The following LSAMP variants were observed in gnomAD, a reference collection of about 807,000 sequenced individuals.
LSAMP encodes limbic system-associated membrane protein.
Under a neutral mutation model 38.6 loss-of-function variants are expected in LSAMP, and 7 were observed. That is an observed-to-expected ratio of 0.18 (90% CI 0.10 to 0.34). The LOEUF (loss-of-function observed/expected upper bound fraction) is 0.34. LSAMP is among the 10% of genes least tolerant of loss of function. The probability of loss-of-function intolerance (pLI) is 1.00; values close to 1 mark genes in which losing one functional copy is unlikely to be tolerated. For synonymous variants in LSAMP, 154 were observed against 166.8 expected, an observed-to-expected ratio of 0.92 and a Z score of 0.59; for missense variants, 313 against 420.0, an observed-to-expected ratio of 0.75 and a Z score of 2.23.
chr3:116,023,789 G>A (rs1457960291), intron 2 of LSAMP, among the ~76,000 whole-genome samples: 1 of 151,994 alleles, frequency 6.6e-6, no homozygotes, highest in Non-Finnish European at 1.5e-5. Flanking sequence ...GGTTTAATAG[G>A]TCATTCATGA....
intron 1 of LSAMP, among the ~76,000 whole-genome samples, chr3:116,189,410 G>C (rs1710700889): frequency 6.6e-6 from 1 of 152,174 alleles, no homozygotes; most frequent in Non-Finnish European, 1.5e-5. Flanking sequence ...CAAGTGCTAC[G>C]AATCAAGGCT....
At chr3:116,132,047 C>T (rs1467318599) in intron 1 of LSAMP, among the ~76,000 whole-genome samples, 17 of 151,830 alleles carry the variant, frequency 1.1e-4, no homozygotes, top group Non-Finnish European at 5.9e-5. Context: ...AGGCTGGTCT[C>T]GAACTCCTGA....
chr3:116,045,813 A>G (rs1240560297), intron 2 of LSAMP, among the ~76,000 whole-genome samples: 1 of 152,224 alleles, frequency 6.6e-6, no homozygotes, highest in East Asian at 1.9e-4. Flanking sequence ...AGATATTATT[A>G]TGCCTACTTT....
intron 3 of LSAMP, among the ~76,000 whole-genome samples, chr3:115,862,484 A>G (rs932426375): frequency 1.3e-5 from 2 of 152,226 alleles, no homozygotes; most frequent in African/African-American, 4.8e-5. Context: ...TCACCCTAAA[A>G]TCCCAGATCT....
intron 3 of LSAMP, among the ~76,000 whole-genome samples, chr3:115,865,362 T>C (rs373265184): frequency 1.3e-5 from 2 of 152,324 alleles, no homozygotes; most frequent in South Asian, 4.1e-4. Context: ...TTGTCTAACA[T>C]ATTACTCAAT....
intron 1 of LSAMP, among the ~76,000 whole-genome samples, chr3:116,317,123 C>T (rs1348968945): frequency 2.0e-5 from 3 of 152,056 alleles, no homozygotes; most frequent in Non-Finnish European, 4.4e-5. Context: ...GTTGGCCATC[C>T]CCAGCCACCA....
At chr3:116,113,592 A>AT (rs1252470560) in intron 1 of LSAMP, among the ~76,000 whole-genome samples, 2 of 150,086 alleles carry the variant, frequency 1.3e-5, no homozygotes, top group African/African-American at 2.4e-5. Context: ...CGCCCGGCTA[A>AT]TTTTTTGTAT....
chr3:116,003,758 T>C (rs569502119), intron 3 of LSAMP, among the ~76,000 whole-genome samples: 8 of 152,182 alleles, frequency 5.3e-5, no homozygotes, highest in African/African-American at 1.9e-4. Flanking sequence ...AGGCAGAGAC[T>C]GGAAATAAGC....
intron 1 of LSAMP, among the ~76,000 whole-genome samples, chr3:116,324,272 G>T (rs2047741411): frequency 6.6e-6 from 1 of 152,168 alleles, no homozygotes. Flanking sequence ...TGAGGATGTT[G>T]TGATGTCTAA....
intron 1 of LSAMP, among the ~76,000 whole-genome samples, chr3:116,091,026 G>C (rs1559738971): frequency 2.0e-5 from 3 of 152,146 alleles, no homozygotes; most frequent in African/African-American, 7.2e-5. Flanking sequence ...AATAAGCCTG[G>C]GAGCGCTATG....
intron 1 of LSAMP, among the ~76,000 whole-genome samples, chr3:116,156,823 G>T (rs1178469228): frequency 3.6e-4 from 55 of 152,114 alleles, no homozygotes; most frequent in Non-Finnish European, 7.4e-5. Context: ...GAAAAATGTG[G>T]TTGGTTGTCT....
Position 116,445,420 on chromosome 3 carries a change from TGGCG to T in LSAMP, c.-393_-390del. On this transcript the variant is annotated 5_prime_UTR_variant, in exon 1 of 7. Coordinates refer to ENST00000490035, the MANE Select transcript of LSAMP (RefSeq NM_002338.5). Reference sequence around the variant, plus strand: ...CGCTCTGTAACCCACTTTCCCAGGCTGGCGGGCGGGCGGGCGAGGGAGCCGGCAC... The same window carrying T: ...CGCTCTGTAACCCACTTTCCCAGGCTGGCGGGCGGGCGAGGGAGCCGGCAC... The T allele has an allele frequency of 1.8e-4, 54 of 297,604 alleles. No individual in the cohort carries two copies. Among genetic ancestry groups the T allele is most frequent in the Middle Eastern group, 9.8e-4 (1 of 1,022 alleles). 18.4% of individuals were successfully genotyped at this position (297,604 alleles called of 1,614,324 possible).
At chr3:116,432,816 T>C (rs980562935) in intron 1 of LSAMP, among the ~76,000 whole-genome samples, 10 of 152,248 alleles carry the variant, frequency 6.6e-5, no homozygotes, top group African/African-American at 1.9e-4. Flanking sequence ...TAATATCTTG[T>C]AGTCTTTAAG....
chr3:115,878,750 C>A (rs990355208), intron 3 of LSAMP, among the ~76,000 whole-genome samples: 1 of 151,954 alleles, frequency 6.6e-6, no homozygotes, highest in Non-Finnish European at 1.5e-5. Context: ...GCGTGAGCCA[C>A]CACATTCAGG....
intron 1 of LSAMP, among the ~76,000 whole-genome samples, chr3:116,131,346 G>A (rs1053805985): frequency 6.6e-6 from 1 of 152,134 alleles, no homozygotes; most frequent in Admixed American, 6.5e-5. Flanking sequence ...AAAACTTGCT[G>A]ACTGCAGGGA....
intron 3 of LSAMP, among the ~76,000 whole-genome samples, chr3:115,896,857 G>A (rs1297666664): frequency 6.6e-6 from 1 of 152,042 alleles, no homozygotes; most frequent in Non-Finnish European, 1.5e-5. Flanking sequence ...TGATTCATAA[G>A]TGCAGGATTT....
intron 3 of LSAMP, among the ~76,000 whole-genome samples, chr3:115,957,473 A>T (rs1938489525): frequency 6.6e-6 from 1 of 152,122 alleles, no homozygotes; most frequent in South Asian, 2.1e-4. Context: ...CTTATTTGAG[A>T]AGACCTAAAC....
chr3:115,890,920 A>G (rs945195190), intron 3 of LSAMP, among the ~76,000 whole-genome samples: 3 of 151,830 alleles, frequency 2.0e-5, no homozygotes, highest in Non-Finnish European at 4.4e-5. Context: ...TGAGCATCCC[A>G]TTTCAGTATC....
At chr3:116,047,584 T>A (rs976255297) in intron 2 of LSAMP, among the ~76,000 whole-genome samples, 5 of 152,094 alleles carry the variant, frequency 3.3e-5, no homozygotes, top group Non-Finnish European at 5.9e-5. Context: ...ATGCATCTCT[T>A]TCTTTTGATC....
Sources: gnomAD v4.1 joint callset for allele counts (sites outside exome capture counted in the v4.1 genomes callset) on GRCh38, gnomAD v4.1.1 for gene constraint, MANE v1.5 for transcripts, NCBI Gene and HGNC (gene_info 2026-07-23, HGNC 2026-07-21) for gene names.